ZNF66: variants seen among roughly 807,000 people sequenced by gnomAD.
ZNF66 encodes putative zinc finger protein 66.
Under a neutral mutation model 35.2 loss-of-function variants are expected in ZNF66, and 32 were observed. That is an observed-to-expected ratio of 0.91 (90% CI 0.69 to 1.22). The LOEUF is 1.22. ZNF66 is among the 50% of genes most tolerant of loss of function. The probability of loss-of-function intolerance (pLI) is 0.00; values close to 1 mark genes in which losing one functional copy is unlikely to be tolerated. For synonymous variants in ZNF66, 231 were observed against 181.3 expected, an observed-to-expected ratio of 1.27 and a Z score of -2.20; for missense variants, 666 against 543.1, an observed-to-expected ratio of 1.23 and a Z score of -2.25.
chr19:20,786,494 A>G (rs1379422371), intron 1 of ZNF66, among the ~76,000 whole-genome samples: 2 of 152,234 alleles, frequency 1.3e-5, no homozygotes, highest in East Asian at 1.9e-4. Flanking sequence ...AATGCCCACA[A>G]ACGTACAGGT....
At chr19:20,778,718 G>A (rs1340005866) in intron 1 of ZNF66, among the ~76,000 whole-genome samples, 1 of 151,652 alleles carries the variant, frequency 6.6e-6, no homozygotes, top group African/African-American at 2.4e-5. Flanking sequence ...GGGAGGTGGA[G>A]GTTGCAGTGA....
intron 1 of ZNF66, among the ~76,000 whole-genome samples, chr19:20,787,174 T>C (rs577841988): frequency 6.6e-6 from 1 of 152,326 alleles, no homozygotes; most frequent in Admixed American, 6.5e-5. Flanking sequence ...CCACTCTCTG[T>C]CCCTCTGTTG....
chr19:20,803,311 C>T (rs1362960146), intron 3 of ZNF66, among the ~76,000 whole-genome samples: 2 of 131,562 alleles, frequency 1.5e-5, no homozygotes, highest in Non-Finnish European at 3.3e-5. Context: ...CTCTTTCTGT[C>T]TTTTTTTTTT....
At chr19:20,783,857 C>T (rs1971265094) in intron 1 of ZNF66, among the ~76,000 whole-genome samples, 1 of 152,100 alleles carries the variant, frequency 6.6e-6, no homozygotes, top group Non-Finnish European at 1.5e-5. Flanking sequence ...ATAAATTAAA[C>T]AGTGTTTCCT....
rs35367036 is a variant in ZNF66 at position 20,776,332 on chromosome 19, C to G, written c.-116C>G. On this transcript the variant is annotated 5_prime_UTR_variant, in exon 1 of 4. Coordinates refer to ENST00000344519, the MANE Select transcript of ZNF66 (RefSeq NM_001355197.2). ...TCTCCCTGCAGCTGGAGCTCCAGGT[C>G]GTCTGTTCACTGCTCTCTGTCTTCT... 5 of 1,444,644 alleles carry G rather than the reference C, an allele frequency of 3.5e-6. No individual in the cohort carries two copies. The highest frequency in any genetic ancestry group is 1.7e-5 in the Admixed American group (1 of 59,234). The allele number at this position is 1,444,644 out of a possible 1,614,324, so 89.5% of individuals were successfully genotyped here.
At chr19:20,780,435 T>C (rs1318140461) in intron 1 of ZNF66, among the ~76,000 whole-genome samples, 1 of 152,192 alleles carries the variant, frequency 6.6e-6, no homozygotes, top group Non-Finnish European at 1.5e-5. Flanking sequence ...CTAAGTTCTG[T>C]GAGTAGCTCT....
chr19:20,803,706 G>A (rs1239787893), intron 3 of ZNF66, among the ~76,000 whole-genome samples: 1 of 151,808 alleles, frequency 6.6e-6, no homozygotes, highest in African/African-American at 2.4e-5. Flanking sequence ...ATGATTATGG[G>A]TTGTTTTCTT....
At chr19:20,796,154 T>C (rs1407767301) in intron 3 of ZNF66, among the ~76,000 whole-genome samples, 1 of 152,076 alleles carries the variant, frequency 6.6e-6, no homozygotes, top group Non-Finnish European at 1.5e-5. Context: ...GTACCATGTA[T>C]CTGTCATTAC....
chr19:20,806,352 A>G lies in ZNF66; in HGVS notation c.752A>G (p.His251Arg), dbSNP rs753685363. 3 of 1,563,150 alleles carry G rather than the reference A, an allele frequency of 1.9e-6. No homozygotes were observed. Among genetic ancestry groups the G allele is most frequent in the South Asian group, 2.2e-5 (2 of 90,044 alleles). ...AACCTTACTACACATAAGAAAATTCATACTGGAGAGAAACCCTACAAATGT... is the reference window on the plus strand; with the variant it reads ...AACCTTACTACACATAAGAAAATTCGTACTGGAGAGAAACCCTACAAATGT... The part of the protein sequence containing the change: ...SSNLTTHKKI[H>R]TGEKPYKCEE... The change falls in exon 4 of 4, where the codon CAT becomes CGT. Residue 251 changes from histidine (H) to arginine (R), a missense_variant. His to Arg is a conservative substitution (Grantham distance 29). Coordinates refer to ENST00000344519, the MANE Select transcript of ZNF66 (RefSeq NM_001355197.2).
At position 20,806,558 on chromosome 19, in the gene ZNF66, A is replaced by C. The variant is rs756792893; in HGVS notation, c.958A>C (p.Lys320Gln). The C allele has an allele frequency of 6.4e-7, 1 of 1,565,634 alleles. No homozygotes were observed. The highest frequency in any genetic ancestry group is 1.7e-5 in the Admixed American group (1 of 59,944). ...EKPYKCEECG[K>Q]AFNWSSHLTT... ...ACCCTACAAATGTGAAGAATGTGGT[A>C]AAGCCTTCAACTGGTCCTCACACCT... is the stretch of plus-strand genomic sequence containing the variant. Residue 320 changes from lysine to glutamine, a missense_variant, in exon 4 of 4, where the codon AAA (lysine) becomes CAA (glutamine). By Grantham distance (53) the Lys-to-Gln change is moderately conservative. Coordinates refer to ENST00000344519, the MANE Select transcript of ZNF66 (RefSeq NM_001355197.2).
chr19:20,785,524 G>T (rs1371720693), intron 1 of ZNF66, among the ~76,000 whole-genome samples: 1 of 152,144 alleles, frequency 6.6e-6, no homozygotes, highest in Non-Finnish European at 1.5e-5. Context: ...GTGATTTTAG[G>T]ATGAACTATG....
chr19:20,794,158 A>G (rs1971369708), intron 3 of ZNF66: 1 of 501,334 alleles, frequency 2.0e-6, no homozygotes, highest in African/African-American at 2.0e-5. Context: ...CATGACATAT[A>G]AGAGACAGCA....
chr19:20,796,747 T>C (rs1971395926), intron 3 of ZNF66, among the ~76,000 whole-genome samples: 1 of 152,246 alleles, frequency 6.6e-6, no homozygotes, highest in Non-Finnish European at 1.5e-5. Flanking sequence ...ATAATTATAC[T>C]GCATATTCTC....
rs539221625 is a variant in ZNF66, at chr19:20,808,544, C to T, written c.*1222C>T. ...AGCAGCATTTGTGGTTCATGAAAAT[C>T]CGCTGTTCTACAGCCACTGATGCTG... On this transcript the variant is annotated 3_prime_UTR_variant, in exon 4 of 4. Transcript: ENST00000344519. 6.6e-5 allele frequency among the ~76,000 whole-genome samples: 10 copies of T among 152,312 alleles called. No individual in the cohort carries two copies. The highest frequency in any genetic ancestry group is 2.4e-4 in the African/African-American group (10 of 41,578).
At chr19:20,804,820 T>C (rs528882205) in intron 3 of ZNF66, among the ~76,000 whole-genome samples, 103 of 152,326 alleles carry the variant, frequency 6.8e-4, no homozygotes, top group Non-Finnish European at 1.3e-3. Flanking sequence ...TTGTGTTTAT[T>C]GTTTAGTTAA....
intron 3 of ZNF66, chr19:20,799,078 T>TTTTTTTTTTTTTTTTTTTTTTTC (rs1460346688): frequency 5.7e-5 from 8 of 139,994 alleles, no homozygotes; most frequent in African/African-American, 1.6e-4. Context: ...TTTTTTTTTT[T>TTTTTTTTTTTTTTTTTTTTTTTC]TGAGATGGAA....
rs544465272 is a variant in ZNF66, at chr19:20,806,641, C to A, written c.1041C>A (p.Gly347=). The A allele has an allele frequency of 6.4e-7, 1 of 1,564,850 alleles. No individual in the cohort carries two copies. Among genetic ancestry groups the A allele is most frequent in the Admixed American group, 1.7e-5 (1 of 59,920 alleles). The change falls in exon 4 of 4, where the codon GGC becomes GGA. Residue 347 remains glycine, a synonymous_variant. Transcript: ENST00000344519. ...GEKPYKCEEC[G]KGFKYSSTLT... is the part of the protein sequence containing the mutation. ...AACCCTACAAATGTGAAGAATGTGG[C>A]AAAGGCTTTAAGTACTCCTCTACCC...
chr19:20,799,752 G>C (rs1971430914), intron 3 of ZNF66, among the ~76,000 whole-genome samples: 1 of 152,128 alleles, frequency 6.6e-6, no homozygotes, highest in Non-Finnish European at 1.5e-5. Flanking sequence ...ATCATATACA[G>C]AACGGTTTAT....
Position 20,780,408 on chromosome 19 carries a change from A to G in ZNF66, c.3+3958A>G, listed in dbSNP as rs544329815. ...CGTCTCACATATTAAACTGGTAAAC[A>G]TAACTACAGTGTTTTGCTAAGTTCT... On this transcript the variant is annotated intron_variant, in intron 1 of 3. Coordinates refer to ENST00000344519, the MANE Select transcript of ZNF66 (RefSeq NM_001355197.2). Among the ~76,000 whole-genome samples the G allele has an allele frequency of 5.9e-5, 9 of 152,284 alleles. No individual in the cohort carries two copies. In the East Asian group the frequency reaches 1.4e-3, roughly 23 times the overall value.
Sources: allele counts gnomAD v4.1 joint callset (sites outside exome capture counted in the v4.1 genomes callset), GRCh38; gene constraint gnomAD v4.1.1; transcripts MANE v1.5; gene names NCBI Gene and HGNC (gene_info 2026-07-23, HGNC 2026-07-21).